The following PSD3 variants were observed in gnomAD, a reference collection of about 807,000 sequenced individuals.
PSD3 encodes pleckstrin and Sec7 domain containing 3, also known as PH and SEC7 domain-containing protein 3.
A neutral mutation model predicts 105.5 loss-of-function variants in PSD3; 49 were observed. The ratio of observed to expected loss-of-function variants is 0.46; its 90% CI spans 0.37 to 0.59. PSD3 has a LOEUF of 0.59. PSD3 is among the 20% of genes least tolerant of loss of function. The pLI is 0.00. For synonymous variants in PSD3, 557 were observed against 457.8 expected (o/e 1.22, Z -2.77); for missense variants, 1,561 against 1,263.8 (o/e 1.24, Z -3.57).
At chr8:18,560,175 TACACACACACAC>T (rs5889808) in intron 14 of PSD3, among the ~76,000 whole-genome samples, 7 of 143,342 alleles carry the variant, frequency 4.9e-5, no homozygotes, top group Admixed American at 7.0e-5. Context: ...ATACACATTT[TACACACACACAC>T]ACACACACAC....
chr8:19,067,745 C>A (rs1829124726), intron 1 of PSD3, among the ~76,000 whole-genome samples: 1 of 152,160 alleles, frequency 6.6e-6, no homozygotes. Context: ...TCCAGAGACC[C>A]ACAGCAGTTG....
At chr8:18,765,758 A>G (rs1329880211) in intron 8 of PSD3, among the ~76,000 whole-genome samples, 1 of 152,032 alleles carries the variant, frequency 6.6e-6, no homozygotes, top group Non-Finnish European at 1.5e-5. Flanking sequence ...TGTTTAGCAG[A>G]AAGCCCGTCC....
chr8:18,993,891 G>T (rs762242422), intron 1 of PSD3, among the ~76,000 whole-genome samples: 25 of 152,012 alleles, frequency 1.6e-4, no homozygotes, highest in Middle Eastern at 3.4e-3. Context: ...AATATAATTT[G>T]ATTATATCAA....
chr8:18,935,724 T>C (rs761542622), intron 2 of PSD3, among the ~76,000 whole-genome samples: 1 of 150,560 alleles, frequency 6.6e-6, no homozygotes, highest in Admixed American at 6.6e-5. Context: ...AAAAATACAT[T>C]AGTCAATATA....
intron 12 of PSD3, among the ~76,000 whole-genome samples, chr8:18,579,297 C>G (rs533544822): frequency 6.6e-6 from 1 of 152,204 alleles, no homozygotes; most frequent in East Asian, 1.9e-4. Context: ...GATAAATCAT[C>G]GTAATCAAAC....
At chr8:18,536,757 T>C (rs1482327282) in intron 15 of PSD3, among the ~76,000 whole-genome samples, 3 of 152,198 alleles carry the variant, frequency 2.0e-5, no homozygotes, top group South Asian at 2.1e-4. Context: ...TCTGGCACTT[T>C]TTTTTTCTTC....
intron 11 of PSD3, among the ~76,000 whole-genome samples, chr8:18,632,290 C>G (rs572707786): frequency 1.6e-4 from 24 of 152,054 alleles, no homozygotes; most frequent in Non-Finnish European, 3.1e-4. Context: ...AACCTTGTCC[C>G]TCCTGCTCAA....
chr8:18,620,452 G>C (rs933789068), intron 11 of PSD3, among the ~76,000 whole-genome samples: 1 of 150,612 alleles, frequency 6.6e-6, no homozygotes, highest in Non-Finnish European at 1.5e-5. Flanking sequence ...GCTTACACCT[G>C]TAATCCCAGC....
intron 1 of PSD3, among the ~76,000 whole-genome samples, chr8:18,962,998 G>A (rs192122384): frequency 6.6e-6 from 1 of 152,196 alleles, no homozygotes. Flanking sequence ...TGAGACTGGG[G>A]ATAAAAAGAG....
At chr8:18,781,472 CTCTT>C (rs1346834231) in intron 8 of PSD3, among the ~76,000 whole-genome samples, 1 of 152,172 alleles carries the variant, frequency 6.6e-6, no homozygotes, top group Non-Finnish European at 1.5e-5. Flanking sequence ...ATTTGTCAGC[CTCTT>C]TCTTTGGCCT....
At chr8:18,558,343 T>A (rs960941152) in intron 14 of PSD3, among the ~76,000 whole-genome samples, 3 of 152,208 alleles carry the variant, frequency 2.0e-5, no homozygotes, top group Non-Finnish European at 2.9e-5. Flanking sequence ...GTATTTTCCT[T>A]CTTTTCTAAA....
intron 11 of PSD3, among the ~76,000 whole-genome samples, chr8:18,629,659 G>T (rs1248016943): frequency 2.0e-5 from 3 of 151,794 alleles, no homozygotes; most frequent in African/African-American, 7.3e-5. Flanking sequence ...AAAAGTATAG[G>T]GCCCAAAGAC....
At chr8:18,684,838 C>A (rs1800577755) in intron 9 of PSD3, among the ~76,000 whole-genome samples, 1 of 152,178 alleles carries the variant, frequency 6.6e-6, no homozygotes, top group Non-Finnish European at 1.5e-5. Flanking sequence ...TTTCCAAAAG[C>A]CATCAATGTT....
At chr8:18,870,359 C>A (rs1237523210) in intron 3 of PSD3, among the ~76,000 whole-genome samples, 1 of 152,098 alleles carries the variant, frequency 6.6e-6, no homozygotes, top group Non-Finnish European at 1.5e-5. Flanking sequence ...GTCACGTCTG[C>A]CATTTATCCA....
chr8:18,805,566 A>G (rs1811127843), intron 4 of PSD3, among the ~76,000 whole-genome samples: 1 of 152,228 alleles, frequency 6.6e-6, no homozygotes, highest in African/African-American at 2.4e-5. Flanking sequence ...TACTTGCAAT[A>G]TGGAATCTAA....
intron 9 of PSD3, among the ~76,000 whole-genome samples, chr8:18,709,719 G>A (rs958875868): frequency 2.0e-5 from 3 of 152,210 alleles, no homozygotes; most frequent in African/African-American, 7.2e-5. Context: ...TGAATAGGGT[G>A]TGGAGTGGAA....
intron 4 of PSD3, among the ~76,000 whole-genome samples, chr8:18,840,811 T>C (rs534071070): frequency 3.3e-5 from 5 of 152,132 alleles, no homozygotes; most frequent in African/African-American, 4.8e-5. Context: ...GAGAGGCACA[T>C]GATGATAATA....
In PSD3 at chr8:18,752,556, T is replaced by TTG. The variant is rs1805635079; in HGVS notation, c.2172+12892_2172+12893insCA. Among the ~76,000 whole-genome samples the TTG allele has an allele frequency of 2.6e-4, 5 of 19,558 alleles. 1 individual carries two copies. The highest frequency in any genetic ancestry group is 5.5e-4 in the Non-Finnish European group (5 of 9,132). 12.8% of individuals were successfully genotyped at this position (19,558 alleles called of 152,430 possible). ...TATATATTATATATATTATATATAA[T>TTG]TATATATATTATATATATAATTATA... On this transcript the variant is annotated intron_variant, in intron 9 of 15. Coordinates refer to ENST00000327040, the MANE Select transcript of PSD3 (RefSeq NM_015310.4).
chr8:18,697,005 G>A (rs1338502649), intron 9 of PSD3, among the ~76,000 whole-genome samples: 3 of 152,164 alleles, frequency 2.0e-5, no homozygotes, highest in Non-Finnish European at 2.9e-5. Flanking sequence ...CACTTTGCGG[G>A]GACAACGTGG....
Sources: allele counts gnomAD v4.1 joint callset (sites outside exome capture counted in the v4.1 genomes callset), GRCh38; gene constraint gnomAD v4.1.1; transcripts MANE v1.5; gene names NCBI Gene and HGNC (gene_info 2026-07-23, HGNC 2026-07-21).